AGBL4: variants seen among roughly 807,000 people sequenced by gnomAD.
AGBL4 encodes cytosolic carboxypeptidase 6.
A neutral mutation model predicts 66.4 loss-of-function variants in AGBL4; 58 were observed. That is an observed-to-expected ratio of 0.87 (90% confidence interval 0.71 to 1.09). AGBL4 has a LOEUF of 1.09. AGBL4 is among the 50% of genes least tolerant of loss of function. The pLI is 0.00. For synonymous variants in AGBL4, 234 were observed against 222.9 expected, an observed-to-expected ratio of 1.05 and a Z score of -0.44; for missense variants, 579 against 631.0, an observed-to-expected ratio of 0.92 and a Z score of 0.88.
intron 8 of AGBL4, among the ~76,000 whole-genome samples, chr1:48,638,077 T>C (rs1645696503): frequency 6.6e-6 from 1 of 152,242 alleles, no homozygotes; most frequent in Admixed American, 6.5e-5. Flanking sequence ...TCCTCAGCAC[T>C]GTCTTGGGCA....
chr1:49,232,540 T>C (rs1352368381), intron 4 of AGBL4, among the ~76,000 whole-genome samples: 1 of 151,682 alleles, frequency 6.6e-6, no homozygotes, highest in Non-Finnish European at 1.5e-5. Flanking sequence ...CTACTAAAAA[T>C]ACAAAAAAAT....
rs76586245 is a variant in AGBL4 at position 48,987,016 on chromosome 1, G to C, written c.594+58568C>G. Among the ~76,000 whole-genome samples, 208 of 151,832 alleles carry C rather than the reference G, an allele frequency of 1.4e-3. 9 individuals carry two copies. In the East Asian group the frequency reaches 0.038, roughly 28 times the overall value. On this transcript the variant is annotated intron_variant, in intron 5 of 13. Transcript: ENST00000371839. ...GTTATATTTAATAAACTCTTATACAGCTAGTATCTAATAAACCAACAAAGG... is the reference window on the plus strand; with the variant it reads ...GTTATATTTAATAAACTCTTATACACCTAGTATCTAATAAACCAACAAAGG...
chr1:49,350,936 AG>A (rs1460807491), intron 3 of AGBL4, among the ~76,000 whole-genome samples: 1 of 152,144 alleles, frequency 6.6e-6, no homozygotes, highest in Non-Finnish European at 1.5e-5. Context: ...CTGGATTTTC[AG>A]GTTCCCCAGT....
At chr1:49,940,993 T>A (rs1403123286) in intron 1 of AGBL4, among the ~76,000 whole-genome samples, 1 of 152,064 alleles carries the variant, frequency 6.6e-6, no homozygotes, top group Non-Finnish European at 1.5e-5. Flanking sequence ...ACATTACAAC[T>A]GACACCACAG....
intron 2 of AGBL4, among the ~76,000 whole-genome samples, chr1:49,776,075 T>G (rs1644189348): frequency 6.6e-6 from 1 of 152,012 alleles, no homozygotes. Context: ...AAACAACCAA[T>G]GACAATGCTG....
chr1:48,854,476 T>A (rs912622027), intron 6 of AGBL4, among the ~76,000 whole-genome samples: 1 of 152,208 alleles, frequency 6.6e-6, no homozygotes, highest in African/African-American at 2.4e-5. Flanking sequence ...TAGCCTTAAT[T>A]TTTTGGATAC....
chr1:49,911,234 G>A (rs1021507293), intron 1 of AGBL4, among the ~76,000 whole-genome samples: 7 of 152,030 alleles, frequency 4.6e-5, no homozygotes, highest in South Asian at 2.1e-4. Context: ...TAATGAGCTG[G>A]ACTCGCGAGC....
chr1:48,978,178 T>G (rs897370248), intron 5 of AGBL4, among the ~76,000 whole-genome samples: 18 of 152,206 alleles, frequency 1.2e-4, no homozygotes, highest in African/African-American at 4.3e-4. Flanking sequence ...CAACTATGTA[T>G]GGAAATGTGA....
At chr1:49,741,768 T>C (rs1417395812) in intron 2 of AGBL4, among the ~76,000 whole-genome samples, 1 of 152,148 alleles carries the variant, frequency 6.6e-6, no homozygotes, top group Admixed American at 6.5e-5. Flanking sequence ...ATAAATGTAG[T>C]CCAGCATATA....
intron 3 of AGBL4, among the ~76,000 whole-genome samples, chr1:49,487,246 C>T (rs940435690): frequency 1.3e-5 from 2 of 152,000 alleles, no homozygotes; most frequent in Admixed American, 6.6e-5. Flanking sequence ...CAACAGCTAA[C>T]ATTTACAGTA....
intron 3 of AGBL4, among the ~76,000 whole-genome samples, chr1:49,456,685 T>C (rs1310836264): frequency 6.6e-6 from 1 of 151,668 alleles, no homozygotes; most frequent in Non-Finnish European, 1.5e-5. Context: ...CCAAGCATTG[T>C]ACACTGTATC....
chr1:49,658,194 G>A (rs1368222723), intron 3 of AGBL4, among the ~76,000 whole-genome samples: 7 of 152,204 alleles, frequency 4.6e-5, no homozygotes, highest in Admixed American at 2.0e-4. Flanking sequence ...AAAAGTGGGT[G>A]AAGGATATGA....
chr1:48,653,387 G>A lies in AGBL4; in HGVS notation c.789C>T (p.Phe263=), dbSNP rs371805560. Residue 263 remains phenylalanine, a synonymous_variant, in exon 8 of 14, where the codon TTC becomes TTT. Transcript: ENST00000371839. ...CAGGATTGAGCATTGGTGCGATCTT[G>A]AAGACCAGGTATTCCCGGAGGACAC... ...IACVLREYLV[F]KIAPMLNPDG... 3.6e-5 allele frequency: 58 copies of A among 1,589,284 alleles called. No homozygotes were observed. The highest frequency in any genetic ancestry group is 5.0e-5 in the Non-Finnish European group (58 of 1,167,204).
chr1:49,260,409 A>AG (rs1225460615), intron 3 of AGBL4, among the ~76,000 whole-genome samples: 1 of 151,824 alleles, frequency 6.6e-6, no homozygotes, highest in Non-Finnish European at 1.5e-5. Flanking sequence ...ATAGACCGCT[A>AG]GCAAGACTAA....
chr1:48,738,042 G>T (rs1328192648), intron 6 of AGBL4, among the ~76,000 whole-genome samples: 2 of 152,176 alleles, frequency 1.3e-5, no homozygotes, highest in Non-Finnish European at 2.9e-5. Flanking sequence ...ACTAATGGCA[G>T]ACCAGCAAGA....
At chr1:48,769,729 A>G (rs1384412611) in intron 6 of AGBL4, among the ~76,000 whole-genome samples, 1 of 152,150 alleles carries the variant, frequency 6.6e-6, no homozygotes, top group Non-Finnish European at 1.5e-5. Flanking sequence ...TTTAATGAGA[A>G]CCTACTATAT....
At chr1:49,121,206 T>C (rs920627692) in intron 4 of AGBL4, among the ~76,000 whole-genome samples, 5 of 152,222 alleles carry the variant, frequency 3.3e-5, no homozygotes, top group African/African-American at 9.6e-5. Context: ...AGGCTACTTC[T>C]GTCAACTCAT....
intron 6 of AGBL4, among the ~76,000 whole-genome samples, chr1:48,738,432 G>A (rs575735525): frequency 5.3e-5 from 8 of 152,276 alleles, no homozygotes; most frequent in African/African-American, 1.4e-4. Flanking sequence ...TAGGCAACAC[G>A]GACACCAAGG....
intron 3 of AGBL4, among the ~76,000 whole-genome samples, chr1:49,282,832 C>A (rs983621255): frequency 1.3e-5 from 2 of 152,168 alleles, no homozygotes; most frequent in African/African-American, 4.8e-5. Context: ...AAACGGCGCA[C>A]CAAGAGATTA....
Sources: allele counts gnomAD v4.1 joint callset (sites outside exome capture counted in the v4.1 genomes callset), GRCh38; gene constraint gnomAD v4.1.1; transcripts MANE v1.5; gene names NCBI Gene and HGNC (gene_info 2026-07-23, HGNC 2026-07-21).